ARHGEF12: variants seen among roughly 807,000 people sequenced by gnomAD.
ARHGEF12 encodes KMT2A/ARHGEF12 fusion protein.
In ARHGEF12, 66 loss-of-function variants were observed where a neutral mutation model predicts 211.2. The observed-to-expected ratio is 0.31, with a 90% confidence interval of 0.26 to 0.38. The LOEUF (loss-of-function observed/expected upper bound fraction) is 0.38. Among genes scored for constraint, ARHGEF12 ranks in the 10% least tolerant of loss-of-function variants. ARHGEF12 has a pLI of 1.00. For synonymous variants in ARHGEF12, 592 were observed against 638.4 expected (o/e 0.93, Z 1.09); for missense variants, 1,429 against 1,869.5 (o/e 0.76, Z 4.34).
In ARHGEF12 at chr11:120,440,091, A is replaced by C. The variant is rs752513034; in HGVS notation, c.1000-38A>C. On this transcript the variant is annotated intron_variant, in intron 12 of 40. Coordinates refer to ENST00000397843, the MANE Select transcript of ARHGEF12 (RefSeq NM_015313.3). Reference sequence around the variant, plus strand: ...TATTCTTTTTCTAAATTTGACCACCAGGTAATTTTTCTGTTTCTTTTCCCT... The same window carrying C: ...TATTCTTTTTCTAAATTTGACCACCCGGTAATTTTTCTGTTTCTTTTCCCT... 4.9e-6 allele frequency: 7 copies of C among 1,427,590 alleles called. No homozygotes were observed. In the Admixed American group the frequency reaches 1.1e-4, roughly 22 times the overall value. The allele number at this position is 1,427,590 out of a possible 1,614,324, so 88.4% of individuals were successfully genotyped here. A position where few individuals can be genotyped will look rare whatever the true frequency, so the allele number is the denominator to read the frequency against.
intron 3 of ARHGEF12, chr11:120,409,186 G>A: frequency 1.9e-6 from 1 of 514,930 alleles, no homozygotes; most frequent in East Asian, 3.1e-5. Flanking sequence ...TATTTTTATT[G>A]CACTGTCTTT....
chr11:120,465,462 A>G (rs919896278), intron 28 of ARHGEF12, 100 bp downstream of exon 28: 3 of 1,489,508 alleles, frequency 2.0e-6, no homozygotes, highest in African/African-American at 2.8e-5. Flanking sequence ...CAAAGATTAC[A>G]TCTGTGTTAA....
In ARHGEF12 at chr11:120,484,477, G is replaced by C; in HGVS notation, c.4594G>C (p.Ala1532Pro). Residue 1532 changes from alanine to proline, a missense_variant, in exon 40 of 41, where the codon GCT (alanine) becomes CCT (proline). Coordinates refer to ENST00000397843, the MANE Select transcript of ARHGEF12 (RefSeq NM_015313.3). ...ESYTILCQRLAGSALTDKHSD... is the reference protein window; with the variant it reads ...ESYTILCQRLPGSALTDKHSD... The stretch of plus-strand genomic sequence containing the variant: ...TTACACCATTCTTTGCCAAAGGCTG[G>C]CTGGATCAGCCCTCACAGACAAGCA... The C allele has an allele frequency of 1.9e-6, 3 of 1,614,104 alleles. No individual in the cohort carries two copies. Among genetic ancestry groups the C allele is most frequent in the Non-Finnish European group, 2.5e-6 (3 of 1,180,018 alleles).
intron 1 of ARHGEF12, among the ~76,000 whole-genome samples, chr11:120,396,587 C>G (rs1056628824): frequency 6.6e-6 from 1 of 152,112 alleles, no homozygotes; most frequent in African/African-American, 2.4e-5. Flanking sequence ...TTCAAAAGTG[C>G]AAAAGGCAAT....
At chr11:120,347,358 G>C (rs1489796931) in intron 1 of ARHGEF12, among the ~76,000 whole-genome samples, 1 of 148,144 alleles carries the variant, frequency 6.8e-6, no homozygotes, top group Admixed American at 6.8e-5. Flanking sequence ...CAACAGATTT[G>C]ATTTGCAGAG....
At chr11:120,473,246 ATCTG>A in intron 31 of ARHGEF12, 119 bp downstream of exon 31, 1 of 862,930 alleles carries the variant, frequency 1.2e-6, no homozygotes, top group African/African-American at 1.7e-5. Flanking sequence ...ATCGTAGATT[ATCTG>A]TATTTATGAT....
chr11:120,477,454 AATG>A lies in ARHGEF12; in HGVS notation c.3465_3467del (p.Asp1155del), dbSNP rs1465625985. 6.2e-7 allele frequency: 1 copy of A among 1,602,554 alleles called. No homozygotes were observed. The highest frequency in any genetic ancestry group is 1.7e-5 in the Admixed American group (1 of 59,472). ...TTTTTTTTTTCTCTACAGAGGAGAT[AATG>A]ATGAAGAAGATCCTTCAAAATTAAA... On this transcript the variant is annotated inframe_deletion, in exon 36 of 41. Transcript: ENST00000397843.
intron 1 of ARHGEF12, among the ~76,000 whole-genome samples, chr11:120,351,434 TA>T (rs1942951393): frequency 8.7e-4 from 3 of 3,460 alleles, no homozygotes; most frequent in South Asian, 0.012. Context: ...TATATATATA[TA>T]TATATATATA....
chr11:120,458,683 A>G (rs766383244), intron 25 of ARHGEF12: 29 of 193,028 alleles, frequency 1.5e-4, no homozygotes, highest in Non-Finnish European at 2.4e-4. Context: ...AATGTGTGGC[A>G]TGGGTGCTGT....
At chr11:120,368,534 T>A (rs1217261534) in intron 1 of ARHGEF12, among the ~76,000 whole-genome samples, 1 of 152,176 alleles carries the variant, frequency 6.6e-6, no homozygotes. Flanking sequence ...CACTTAATCC[T>A]GACAGCATTC....
intron 39 of ARHGEF12, among the ~76,000 whole-genome samples, chr11:120,483,843 TG>T (rs1213873106): frequency 1.3e-5 from 2 of 152,162 alleles, no homozygotes; most frequent in Admixed American, 6.5e-5. Flanking sequence ...CTCGATCTCC[TG>T]ACCTCGTGAT....
At chr11:120,380,245 C>G (rs1165895033) in intron 1 of ARHGEF12, among the ~76,000 whole-genome samples, 2 of 152,100 alleles carry the variant, frequency 1.3e-5, no homozygotes, top group African/African-American at 4.8e-5. Context: ...TTCCCATATA[C>G]CCTACACCTA....
At chr11:120,399,321 CAAAAAAAAAAAAAAAAAA>C (rs71050743) in intron 1 of ARHGEF12, among the ~76,000 whole-genome samples, 768 of 36,568 alleles carry the variant, frequency 0.021, 32 homozygotes, top group African/African-American at 0.051. Context: ...ACATTGTCTC[CAAAAAAAAAAAAAAAAAA>C]AAAAAAAAAA....
intron 1 of ARHGEF12, among the ~76,000 whole-genome samples, chr11:120,377,211 CAT>C (rs1245688922): frequency 1.3e-5 from 2 of 152,166 alleles, no homozygotes; most frequent in African/African-American, 2.4e-5. Context: ...CCACAACCAG[CAT>C]AGTTAAGATA....
At chr11:120,429,649 G>C (rs1390673730) in intron 9 of ARHGEF12, 63 bp from the exon 10 acceptor site, 1 of 1,570,230 alleles carries the variant, frequency 6.4e-7, no homozygotes, top group Admixed American at 1.8e-5. Flanking sequence ...ATTAAGAATG[G>C]ACTATTTCTG....
intron 1 of ARHGEF12, among the ~76,000 whole-genome samples, chr11:120,354,654 CAGAAAATCTAGA>C (rs1013656607): frequency 2.0e-5 from 3 of 151,960 alleles, no homozygotes; most frequent in Admixed American, 6.6e-5. Context: ...TTAGTAACCC[CAGAAAATCTAGA>C]AGAAAATCTA....
rs1946090517 is a variant in ARHGEF12 at position 120,447,911 on chromosome 11, C to T, written c.1622+5C>T. 2 of 1,558,070 alleles carry T rather than the reference C, an allele frequency of 1.3e-6. No individual in the cohort carries two copies. Among genetic ancestry groups the T allele is most frequent in the Non-Finnish European group, 1.7e-6 (2 of 1,158,394 alleles). ...GGCTGTAGAGGAAGATAAGAGGTAA[C>T]ATAACTGTTTTTTTTCCCCTAGAAT... On this transcript the variant is annotated splice_donor_5th_base_variant and intron_variant, in intron 19 of 40. Transcript: ENST00000397843.
At chr11:120,367,014 TA>T (rs368713737) in intron 1 of ARHGEF12, among the ~76,000 whole-genome samples, 27,554 of 144,286 alleles carry the variant, frequency 0.19, 2,793 homozygotes, top group Non-Finnish European at 0.24. Flanking sequence ...AGACTCCATC[TA>T]AAAAAAAAAA....
chr11:120,357,201 C>T (rs984375322), intron 1 of ARHGEF12, among the ~76,000 whole-genome samples: 1 of 151,978 alleles, frequency 6.6e-6, no homozygotes, highest in Non-Finnish European at 1.5e-5. Flanking sequence ...CCATGTTGGC[C>T]GTGGCTGGTT....
Sources: gnomAD v4.1 joint callset for allele counts (sites outside exome capture counted in the v4.1 genomes callset) on GRCh38, gnomAD v4.1.1 for gene constraint, MANE v1.5 for transcripts, NCBI Gene and HGNC (gene_info 2026-07-23, HGNC 2026-07-21) for gene names.